Variants in NF1 observed in about 807,000 individuals in gnomAD.
NF1 encodes neurofibromin.
Under a neutral mutation model 325.7 loss-of-function variants are expected in NF1, and 122 were observed. That is an observed-to-expected ratio of 0.37 (90% CI 0.32 to 0.44). The LOEUF is 0.44. NF1 is among the 20% of genes least tolerant of loss of function. The probability of loss-of-function intolerance (pLI) is 1.00; values close to 1 mark genes in which losing one functional copy is unlikely to be tolerated. For synonymous variants in NF1, 1,091 were observed against 1,186.0 expected (o/e 0.92, Z 1.65); for missense variants, 2,140 against 3,415.4 (o/e 0.63, Z 9.31).
At chr17:31,171,229 T>C (rs1489329770) in intron 5 of NF1, among the ~76,000 whole-genome samples, 2 of 152,128 alleles carry the variant, frequency 1.3e-5, no homozygotes, top group Non-Finnish European at 2.9e-5. Flanking sequence ...TAAAGGAAAA[T>C]ATAGGGGTGA....
intron 1 of NF1, among the ~76,000 whole-genome samples, chr17:31,148,914 G>A (rs1303339267): frequency 2.0e-5 from 3 of 152,076 alleles, no homozygotes; most frequent in Non-Finnish European, 4.4e-5. Context: ...AAAACAATAT[G>A]TATTCCATAT....
rs2151557535 is a variant in NF1, at chr17:31,337,874, C to G, written c.6698C>G (p.Ala2233Gly). 2 of 1,613,436 alleles carry G rather than the reference C, an allele frequency of 1.2e-6. No individual in the cohort carries two copies. The highest frequency in any genetic ancestry group is 2.2e-5 in the South Asian group (2 of 91,058). Residue 2233 changes from alanine (A) to glycine (G), a missense_variant, in exon 44 of 58, where the codon GCT becomes GGT. Coordinates refer to ENST00000358273, the MANE Select transcript of NF1 (RefSeq NM_001042492.3). ...CKWLDQWTEL[A>G]QRFAFQYNPS... is the part of the protein sequence containing the mutation. ...TGGCTGGACCAGTGGACAGAACTAGCTCAAAGGTATGTCCTAAATTAAATA... is the reference window on the plus strand; with the variant it reads ...TGGCTGGACCAGTGGACAGAACTAGGTCAAAGGTATGTCCTAAATTAAATA...
At chr17:31,196,334 A>T (rs1173407042) in intron 8 of NF1, among the ~76,000 whole-genome samples, 1 of 151,920 alleles carries the variant, frequency 6.6e-6, no homozygotes, top group Non-Finnish European at 1.5e-5. Context: ...GGCTTGGTTC[A>T]TCTATTTTCA....
At position 31,143,495 on chromosome 17, in the gene NF1, T is replaced by A. The variant is rs148376683; in HGVS notation, c.61-12488T>A. Among the ~76,000 whole-genome samples the A allele has an allele frequency of 6.8e-3, 1,029 of 152,134 alleles. 17 individuals are homozygous for A. Among genetic ancestry groups the A allele is most frequent in the African/African-American group, 0.023 (964 of 41,510 alleles). ...TTTGTTGCCCAGGCTGGTCTGAAAC[T>A]CCTGGGCTCAAGTGGTCATCCTTCC... On this transcript the variant is annotated intron_variant, in intron 1 of 57. Transcript: ENST00000358273.
At chr17:31,326,484 C>A (rs2069345357) in intron 37 of NF1, among the ~76,000 whole-genome samples, 1 of 152,076 alleles carries the variant, frequency 6.6e-6, no homozygotes, top group East Asian at 1.9e-4. Flanking sequence ...CCCGTCTCTA[C>A]TAAAAATACA....
chr17:31,278,029 G>A (rs2068040701), intron 36 of NF1: 1 of 152,246 alleles, frequency 6.6e-6, no homozygotes, highest in Admixed American at 6.5e-5. Context: ...TCAGGAGGCT[G>A]ATGTAGGAGG....
At chr17:31,343,813 A>G (rs1358313938) in intron 48 of NF1, among the ~76,000 whole-genome samples, 1 of 152,086 alleles carries the variant, frequency 6.6e-6, no homozygotes, top group Non-Finnish European at 1.5e-5. Flanking sequence ...AACATTAGCC[A>G]GGTGCGGTGG....
chr17:31,287,948 G>A (rs1008428536), intron 36 of NF1, among the ~76,000 whole-genome samples: 1 of 121,584 alleles, frequency 8.2e-6, no homozygotes, highest in African/African-American at 3.0e-5. Flanking sequence ...GGGGGAGGGG[G>A]GAGGGATAGC....
intron 36 of NF1, among the ~76,000 whole-genome samples, chr17:31,290,356 C>T (rs758530103): frequency 9.9e-5 from 15 of 152,098 alleles, no homozygotes; most frequent in Non-Finnish European, 2.2e-4. Context: ...TTAAACTGAA[C>T]TTTTTTCCAA....
chr17:31,221,175 TG>T (rs2066914816), intron 14 of NF1, among the ~76,000 whole-genome samples: 1 of 152,004 alleles, frequency 6.6e-6, no homozygotes. Context: ...GAAGAGTTTG[TG>T]TTTTTTTTAT....
At chr17:31,197,593 CT>C (rs1388959254) in intron 8 of NF1, among the ~76,000 whole-genome samples, 2 of 151,486 alleles carry the variant, frequency 1.3e-5, no homozygotes, top group Non-Finnish European at 2.9e-5. Context: ...TCTTAATTTC[CT>C]TTTTGTATTT....
At chr17:31,370,928 T>C (rs2070624786) in intron 57 of NF1, among the ~76,000 whole-genome samples, 1 of 152,164 alleles carries the variant, frequency 6.6e-6, no homozygotes, top group African/African-American at 2.4e-5. Context: ...ATTACTGGAC[T>C]TGAAACTTGT....
chr17:31,352,453 TA>T (rs750664859), intron 51 of NF1, 39 bp downstream of exon 51: 2 of 1,462,516 alleles, frequency 1.4e-6, no homozygotes, highest in East Asian at 2.5e-5. Context: ...TTTTATTATT[TA>T]AAAAAATAGA....
At chr17:31,247,005 G>A (rs1183035949) in intron 29 of NF1, among the ~76,000 whole-genome samples, 2 of 151,970 alleles carry the variant, frequency 1.3e-5, no homozygotes, top group Non-Finnish European at 2.9e-5. Flanking sequence ...GACCATGCCG[G>A]CCAACATGGT....
intron 1 of NF1, among the ~76,000 whole-genome samples, chr17:31,107,554 C>T (rs911400552): frequency 3.3e-5 from 5 of 151,680 alleles, no homozygotes; most frequent in East Asian, 1.9e-4. Context: ...CATGAGCCAC[C>T]GTGCCCAACC....
At chr17:31,213,069 A>C (rs2066757332) in intron 12 of NF1, among the ~76,000 whole-genome samples, 1 of 152,224 alleles carries the variant, frequency 6.6e-6, no homozygotes, top group Non-Finnish European at 1.5e-5. Flanking sequence ...GCATCAGGGA[A>C]GAGCCATTTG....
In NF1 at chr17:31,357,089, T is replaced by C; in HGVS notation, c.7868T>C (p.Leu2623Pro). The C allele has an allele frequency of 6.2e-7, 1 of 1,613,400 alleles. No individual in the cohort carries two copies. The highest frequency in any genetic ancestry group is 8.5e-7 in the Non-Finnish European group (1 of 1,179,936). Reference sequence around the variant, plus strand: ...ATCCAGGCGCTGCTTCTTACTGTTCTAGTAAGGATTTCCCCTTTTTGAGTC... The same window carrying C: ...ATCCAGGCGCTGCTTCTTACTGTTCCAGTAAGGATTTCCCCTTTTTGAGTC... ...PKIQALLLTV[L>P]ATLVKYTTDE... Residue 2623 changes from leucine (L) to proline (P), a missense_variant and splice_region_variant, in exon 53 of 58, where the codon CTA becomes CCA. By Grantham distance (98) the Leu-to-Pro change is moderately conservative. This residue lies in a region of NF1 where 522 missense variants were observed against 749.0 expected (regional missense o/e 0.70). Coordinates refer to ENST00000358273, the MANE Select transcript of NF1 (RefSeq NM_001042492.3).
chr17:31,232,980 T>C (rs2151435182), intron 26 of NF1, 22 bp from the exon 27 acceptor site: 1 of 1,614,120 alleles, frequency 6.2e-7, no homozygotes, highest in Non-Finnish European at 8.5e-7. Context: ...TTAGTAAATT[T>C]GCATCTGTTT....
chr17:31,119,798 A>G (rs2143374908), intron 1 of NF1, among the ~76,000 whole-genome samples: 1 of 152,290 alleles, frequency 6.6e-6, no homozygotes, highest in South Asian at 2.1e-4. Flanking sequence ...AAGGTATAAC[A>G]AAAGGGCCCA....
Sources: gnomAD v4.1 joint callset for allele counts (sites outside exome capture counted in the v4.1 genomes callset) on GRCh38, gnomAD v4.1.1 for gene constraint, gnomAD v4.1.1 regional missense constraint, MANE v1.5 for transcripts, NCBI Gene and HGNC (gene_info 2026-07-23, HGNC 2026-07-21) for gene names.